LRCH3: variants seen among roughly 807,000 people sequenced by gnomAD.
LRCH3 encodes DISP complex protein LRCH3.
A neutral mutation model predicts 104.5 loss-of-function variants in LRCH3; 68 were observed. The observed-to-expected ratio is 0.65, with a 90% CI of 0.54 to 0.80. The LOEUF (loss-of-function observed/expected upper bound fraction) is 0.80. LRCH3 is among the 30% of genes least tolerant of loss of function. The probability of loss-of-function intolerance (pLI) is 0.00; values close to 1 mark genes in which losing one functional copy is unlikely to be tolerated. For synonymous variants in LRCH3, 344 were observed against 361.3 expected, an observed-to-expected ratio of 0.95 and a Z score of 0.54; for missense variants, 951 against 953.9, an observed-to-expected ratio of 1.00 and a Z score of 0.04.
chr3:197,802,439 T>G (rs1382328708), intron 1 of LRCH3, among the ~76,000 whole-genome samples: 1 of 152,186 alleles, frequency 6.6e-6, no homozygotes, highest in Admixed American at 6.5e-5. Flanking sequence ...TTGTTGAAGA[T>G]TTTTCCATGT....
At chr3:197,832,609 G>T (rs949143717) in intron 8 of LRCH3, among the ~76,000 whole-genome samples, 2 of 151,598 alleles carry the variant, frequency 1.3e-5, no homozygotes, top group African/African-American at 4.8e-5. Context: ...ATTTAATCAC[G>T]ACCTTTTGAA....
chr3:197,827,913 C>T (rs1735420933), intron 5 of LRCH3, among the ~76,000 whole-genome samples: 1 of 151,826 alleles, frequency 6.6e-6, no homozygotes, highest in African/African-American at 2.4e-5. Flanking sequence ...CTTGTCTCTA[C>T]TAAAAATACA....
At chr3:197,867,296 G>A (rs1741603782) in intron 17 of LRCH3, among the ~76,000 whole-genome samples, 1 of 152,132 alleles carries the variant, frequency 6.6e-6, no homozygotes, top group South Asian at 2.1e-4. Flanking sequence ...GCAGGCGCCT[G>A]TAATCCCAGC....
In LRCH3 at chr3:197,883,477, C is replaced by T; in HGVS notation, c.2209-64C>T. The T allele has an allele frequency of 2.0e-6, 3 of 1,486,494 alleles. No homozygotes were observed. Among genetic ancestry groups the T allele is most frequent in the Admixed American group, 2.2e-5 (1 of 44,464 alleles). The allele number at this position is 1,486,494 out of a possible 1,614,324, so 92.1% of individuals were successfully genotyped here. A position where few individuals can be genotyped will look rare whatever the true frequency, so the allele number is the denominator to read the frequency against. On this transcript the variant is annotated intron_variant, in intron 20 of 20. Transcript: ENST00000425562. This position sits in a 1 kb window ranked among gnomAD's most constrained non-coding sequence, Gnocchi z 4.2. ...GGGAGAAGTGCTTATTTTTTCCTTT[C>T]AGTTCTATGATATTCATCCGATTTT... is the stretch of plus-strand genomic sequence containing the variant.
At chr3:197,820,228 C>T in intron 3 of LRCH3, 97 bp from the exon 4 acceptor site, 2 of 820,882 alleles carry the variant, frequency 2.4e-6, no homozygotes, top group Non-Finnish European at 4.1e-6. Context: ...AGTGAGATAC[C>T]AGAAGGTCTC....
chr3:197,806,850 C>T (rs952806809), intron 1 of LRCH3, among the ~76,000 whole-genome samples: 22 of 151,490 alleles, frequency 1.5e-4, no homozygotes, highest in African/African-American at 4.4e-4. Context: ...CTGCATCCGG[C>T]TCCTGAGACC....
intron 1 of LRCH3, among the ~76,000 whole-genome samples, chr3:197,799,877 C>CAAAAACA (rs902732294): frequency 6.7e-6 from 1 of 150,092 alleles, no homozygotes; most frequent in African/African-American, 2.5e-5. Flanking sequence ...GCTCTCAAAA[C>CAAAAACA]AAAAACAAAA....
chr3:197,855,965 A>G (rs1260171658), intron 14 of LRCH3, among the ~76,000 whole-genome samples: 1 of 152,210 alleles, frequency 6.6e-6, no homozygotes, highest in Non-Finnish European at 1.5e-5. Flanking sequence ...CTTAGAGTGA[A>G]GTCCGAACGT....
chr3:197,830,699 T>G, intron 6 of LRCH3, 71 bp from the exon 7 acceptor site: 1 of 1,250,960 alleles, frequency 8.0e-7, no homozygotes, highest in Non-Finnish European at 1.2e-6. Flanking sequence ...TTTAGAAAAT[T>G]GATCTGTTTA....
At chr3:197,831,812 G>A (rs377755925) in intron 7 of LRCH3, among the ~76,000 whole-genome samples, 1 of 151,918 alleles carries the variant, frequency 6.6e-6, no homozygotes, top group African/African-American at 2.4e-5. Context: ...TTAGAGACAT[G>A]CTCTCCCTAT....
chr3:197,795,556 G>A (rs1440061842), intron 1 of LRCH3, among the ~76,000 whole-genome samples: 1 of 152,058 alleles, frequency 6.6e-6, no homozygotes, highest in African/African-American at 2.4e-5. Flanking sequence ...GCCAAAAGAT[G>A]GAAGTTCTGA....
chr3:197,810,943 AATTAAT>A lies in LRCH3; in HGVS notation c.263-3957_263-3952del, dbSNP rs1453237791. On this transcript the variant is annotated intron_variant, in intron 1 of 20. Coordinates refer to ENST00000425562, the MANE Select transcript of LRCH3 (RefSeq NM_001365715.1). This position sits in a 1 kb window ranked among gnomAD's most constrained non-coding sequence, Gnocchi z 4.0. The stretch of plus-strand genomic sequence containing the variant: ...GTTTTGTGATCTCCCTGGGTTACAT[AATTAAT>A]ATTAATAGCTAAAATGATTTTTATT... 2.0e-5 allele frequency among the ~76,000 whole-genome samples: 3 copies of A among 152,204 alleles called. No individual in the cohort carries two copies. The highest frequency in any genetic ancestry group is 6.5e-5 in the Admixed American group (1 of 15,278).
At chr3:197,859,161 G>C in intron 15 of LRCH3, 1 of 444,570 alleles carries the variant, frequency 2.2e-6, no homozygotes, top group Non-Finnish European at 4.1e-6. Context: ...TTTATCAAAG[G>C]TGTTTTTCTT....
intron 9 of LRCH3, among the ~76,000 whole-genome samples, 185 bp from the exon 10 acceptor site, chr3:197,839,136 T>C (rs1737395874): frequency 6.6e-6 from 1 of 152,220 alleles, no homozygotes; most frequent in Admixed American, 6.5e-5. Context: ...ATTGTGAATG[T>C]TTTTGTTTAT....
At chr3:197,826,747 C>A in intron 4 of LRCH3, 131 bp from the exon 5 acceptor site, 1 of 1,129,140 alleles carries the variant, frequency 8.9e-7, no homozygotes, top group Non-Finnish European at 1.3e-6. Flanking sequence ...TACCACTTTG[C>A]TACCAGTTAA....
At chr3:197,845,686 C>A (rs569987783) in intron 10 of LRCH3, among the ~76,000 whole-genome samples, 4 of 152,108 alleles carry the variant, frequency 2.6e-5, no homozygotes, top group African/African-American at 9.6e-5. Context: ...GAGTGGATCA[C>A]CTGAGGTCAG....
chr3:197,837,441 A>G (rs1736983914), intron 9 of LRCH3, among the ~76,000 whole-genome samples: 1 of 152,140 alleles, frequency 6.6e-6, no homozygotes, highest in Admixed American at 6.5e-5. Flanking sequence ...CTTCTGTGTC[A>G]TAAAGCTTTC....
Position 197,879,368 on chromosome 3 carries a change from C to T in LRCH3, c.2208+3593C>T, listed in dbSNP as rs567083954. On this transcript the variant is annotated intron_variant, in intron 20 of 20. Transcript: ENST00000425562. ...TTGGTTAAAATAGACACCCCCTGGCCGGGCGCGGTGGCTCACGCCTGTAAT... is the reference window on the plus strand; with the variant it reads ...TTGGTTAAAATAGACACCCCCTGGCTGGGCGCGGTGGCTCACGCCTGTAAT... 1.4e-4 allele frequency among the ~76,000 whole-genome samples: 21 copies of T among 152,282 alleles called. 1 individual carries two copies. The East Asian group carries it at 2.7e-3, about 20-fold the overall frequency.
chr3:197,815,024 C>G lies in LRCH3; in HGVS notation c.379C>G (p.Leu127Val), dbSNP rs1239957930. 6.5e-7 allele frequency: 1 copy of G among 1,535,798 alleles called. No individual in the cohort carries two copies. The highest frequency in any genetic ancestry group is 8.9e-7 in the Non-Finnish European group (1 of 1,123,658). The change falls in exon 2 of 21, where the codon CTA becomes GTA. Residue 127 changes from leucine to valine, a missense_variant. Transcript: ENST00000425562. ...TTATATTCCAGAGGCAATTTTAAAC[C>G]TACAAGCTCTAACATTCTTAAATAT... ...IRYIPEAILN[L>V]QALTFLNISR...
Sources: allele counts gnomAD v4.1 joint callset (sites outside exome capture counted in the v4.1 genomes callset), GRCh38; gene constraint gnomAD v4.1.1; non-coding constraint Gnocchi (gnomAD v3.1); transcripts MANE v1.5; gene names NCBI Gene and HGNC (gene_info 2026-07-23, HGNC 2026-07-21).